Variants in CR1 observed in about 807,000 individuals in gnomAD.
CR1 encodes the protein complement C3b/C4b receptor 1 (Knops blood group).
A neutral mutation model predicts 187.3 loss-of-function variants in CR1; 116 were observed. The observed-to-expected ratio is 0.62, with a 90% CI of 0.53 to 0.72. The LOEUF is 0.72. Among genes scored for constraint, CR1 ranks in the 30% least tolerant of loss-of-function variants. The pLI, the probability that CR1 is intolerant of heterozygous loss-of-function variation, is 0.00. For synonymous variants in CR1, 576 were observed against 747.1 expected (o/e 0.77, Z 3.73); for missense variants, 1,731 against 2,110.7 (o/e 0.82, Z 3.52).
chr1:207,611,976 T>C lies in CR1; in HGVS notation c.6510T>C (p.His2170=). ...ATGACTTCCTGGGCCAACTCCCTCA[T>C]GGCCGTGTGCTACTTCCACTTAATC... The part of the protein sequence containing the change: ...SCDDFLGQLP[H]GRVLLPLNLQ... The change falls in exon 39 of 47, where the codon CAT becomes CAC. Residue 2170 remains histidine (H), a synonymous_variant. Coordinates refer to ENST00000367049, the MANE Select transcript of CR1 (RefSeq NM_000651.6). 6.2e-7 allele frequency: 1 copy of C among 1,614,018 alleles called. No individual in the cohort carries two copies. The highest frequency in any genetic ancestry group is 8.5e-7 in the Non-Finnish European group (1 of 1,179,892).
At chr1:207,604,706 T>G (rs1030251272) in intron 35 of CR1, among the ~76,000 whole-genome samples, 1 of 152,232 alleles carries the variant, frequency 6.6e-6, no homozygotes, top group Non-Finnish European at 1.5e-5. Context: ...TTAAATGCAT[T>G]TTAACATCCC....
In CR1 at chr1:207,611,816, C is replaced by T. The variant is rs1333197013; in HGVS notation, c.6435C>T (p.Pro2145=). The change falls in exon 38 of 47, where the codon CCC becomes CCT. Residue 2145 remains proline, a synonymous_variant. Transcript: ENST00000367049. ...GGGCTGCGTCTCTGCACTGCACGCC[C>T]CAGGGAGACTGGAGCCCTGAAGCCC... The part of the protein sequence containing the change: ...LRGAASLHCT[P]QGDWSPEAPR... 1 of 1,613,992 alleles carries T rather than the reference C, an allele frequency of 6.2e-7. No individual in the cohort carries two copies. Among genetic ancestry groups the T allele is most frequent in the Admixed American group, 1.7e-5 (1 of 60,022 alleles).
intron 23 of CR1, among the ~76,000 whole-genome samples, chr1:207,564,878 A>G (rs1176823497): frequency 6.6e-6 from 1 of 150,440 alleles, no homozygotes; most frequent in Non-Finnish European, 1.5e-5. Context: ...AAGTAATGAA[A>G]AGCTTATTAT....
chr1:207,509,743 A>T (rs898286192), intron 3 of CR1, among the ~76,000 whole-genome samples: 5 of 152,166 alleles, frequency 3.3e-5, no homozygotes, highest in Non-Finnish European at 7.4e-5. Flanking sequence ...TGGGGTCAAA[A>T]GCCAGAGGAG....
At chr1:207,510,295 T>C (rs1360363706) in intron 3 of CR1, among the ~76,000 whole-genome samples, 1 of 152,216 alleles carries the variant, frequency 6.6e-6, no homozygotes, top group African/African-American at 2.4e-5. Flanking sequence ...ACTAGTATAA[T>C]GTAATAGTGC....
chr1:207,496,898 T>C (rs1659105573), intron 1 of CR1, among the ~76,000 whole-genome samples: 1 of 152,104 alleles, frequency 6.6e-6, no homozygotes, highest in Non-Finnish European at 1.5e-5. Context: ...GCCTGTCGAG[T>C]ATCTAACACA....
intron 4 of CR1, among the ~76,000 whole-genome samples, chr1:207,512,034 T>C (rs1659640007): frequency 7.3e-6 from 1 of 136,846 alleles, no homozygotes; most frequent in African/African-American, 2.7e-5. Context: ...TGGACTCTCA[T>C]GTACCACGAG....
Position 207,524,010 on chromosome 1 carries a change from G to A in CR1, c.886+1G>A, listed in dbSNP as rs775806264. 1.2e-6 allele frequency: 2 copies of A among 1,611,788 alleles called. No individual in the cohort carries two copies. Among genetic ancestry groups the A allele is most frequent in the South Asian group, 1.1e-5 (1 of 90,994 alleles). On this transcript the variant is annotated splice_donor_variant, in intron 5 of 46. Transcript: ENST00000367049. LOFTEE classifies it high-confidence loss of function. ...CCGGAGCTACCAAGCTGCTCCAGGG[G>A]TGAGTCTGACTGAGGCCTAGAAGGG...
intron 45 of CR1, among the ~76,000 whole-genome samples, chr1:207,628,912 C>T (rs1266623223): frequency 6.6e-6 from 1 of 152,116 alleles, no homozygotes; most frequent in Non-Finnish European, 1.5e-5. Context: ...TCTTTAAGGG[C>T]ATCTTTCCAT....
rs544356714 is a variant in CR1 at position 207,610,773 on chromosome 1, C to T, written c.6296-904C>T. On this transcript the variant is annotated intron_variant, in intron 37 of 46. Transcript: ENST00000367049. ...TTTTTTTCTTTGAGGGGGGGTTGTT[C>T]TTTTTGTTTATTTTTAATTTATTAA... Among the ~76,000 whole-genome samples the T allele has an allele frequency of 2.3e-3, 352 of 151,854 alleles. 1 individual carries two copies. Among genetic ancestry groups the T allele is most frequent in the Middle Eastern group, 6.8e-3 (2 of 294 alleles).
chr1:207,590,055 A>C (rs1308194066), intron 35 of CR1, among the ~76,000 whole-genome samples: 2 of 152,240 alleles, frequency 1.3e-5, no homozygotes. Flanking sequence ...ATCCAGGAGA[A>C]CTGCCCCAAC....
rs267598340 is a variant in CR1 at position 207,567,945 on chromosome 1, G to A, written c.4074G>A (p.Thr1358=). The change falls in exon 25 of 47, where the codon ACG becomes ACA. Residue 1358 remains threonine (T), a synonymous_variant. Coordinates refer to ENST00000367049, the MANE Select transcript of CR1 (RefSeq NM_000651.6). Reference sequence around the variant, plus strand: ...GCGACCCCCACCCAGACAGAGGGACGAGCTTCGACCTCATTGGAGAGAGCA... The same window carrying A: ...GCGACCCCCACCCAGACAGAGGGACAAGCTTCGACCTCATTGGAGAGAGCA... The part of the protein sequence containing the change: ...YTCDPHPDRG[T]SFDLIGESTI... The A allele has an allele frequency of 7.0e-5, 112 of 1,610,394 alleles. 1 individual carries two copies. Among genetic ancestry groups the A allele is most frequent in the Admixed American group, 1.2e-4 (7 of 59,930 alleles).
chr1:207,500,307 T>C (rs1266279625), intron 1 of CR1, among the ~76,000 whole-genome samples: 1 of 152,198 alleles, frequency 6.6e-6, no homozygotes, highest in Non-Finnish European at 1.5e-5. Flanking sequence ...AATTTATAAA[T>C]TTATATATTT....
At chr1:207,520,955 T>C (rs1159322034) in intron 4 of CR1, among the ~76,000 whole-genome samples, 1 of 149,726 alleles carries the variant, frequency 6.7e-6, no homozygotes, top group Non-Finnish European at 1.5e-5. Context: ...TGCACATTTT[T>C]TTTTTTTTGG....
intron 35 of CR1, among the ~76,000 whole-genome samples, chr1:207,602,468 G>A (rs1255633497): frequency 6.6e-6 from 1 of 151,954 alleles, no homozygotes; most frequent in Non-Finnish European, 1.5e-5. Flanking sequence ...TCCAAATTAG[G>A]AAACCCACAA....
intron 29 of CR1, among the ~76,000 whole-genome samples, chr1:207,579,194 G>A (rs1660859400): frequency 1.3e-5 from 2 of 152,240 alleles, no homozygotes; most frequent in African/African-American, 4.8e-5. Flanking sequence ...ACAAAGGACT[G>A]TCTTATTTAA....
chr1:207,580,170 A>T, intron 29 of CR1, 70 bp from the exon 30 acceptor site: 1 of 1,577,946 alleles, frequency 6.3e-7, no homozygotes. Flanking sequence ...CTGACTAGCT[A>T]TGAGGTCTTC....
chr1:207,507,021 G>C (rs1215285203), intron 3 of CR1: 4 of 494,938 alleles, frequency 8.1e-6, no homozygotes, highest in African/African-American at 7.9e-5. Context: ...TGGAAACCAA[G>C]GCAGAGCATA....
At chr1:207,630,661 C>A (rs1213301787) in intron 46 of CR1, 40 bp downstream of exon 46, 2 of 1,373,372 alleles carry the variant, frequency 1.5e-6, no homozygotes, top group South Asian at 1.4e-5. Flanking sequence ...TTTTCAACAA[C>A]TCAAATATCA....
Sources: allele counts gnomAD v4.1 joint callset (sites outside exome capture counted in the v4.1 genomes callset), GRCh38; gene constraint gnomAD v4.1.1; transcripts MANE v1.5; gene names NCBI Gene and HGNC (gene_info 2026-07-23, HGNC 2026-07-21).